The following TIMM44 variants were observed in gnomAD, a reference collection of about 807,000 sequenced individuals.
The protein encoded by TIMM44 is mitochondrial import inner membrane translocase subunit TIM44.
Under a neutral mutation model 63.8 loss-of-function variants are expected in TIMM44, and 37 were observed. The ratio of observed to expected loss-of-function variants is 0.58; its 90% CI spans 0.45 to 0.76. TIMM44 has a LOEUF of 0.76. Ranked by LOEUF, TIMM44 falls within the 30% of genes least tolerant of loss-of-function variation. The pLI is 0.00. For missense variants in TIMM44, 573 were observed against 603.8 expected, an observed-to-expected ratio of 0.95 and a Z score of 0.54; for synonymous variants, 239 against 245.1, an observed-to-expected ratio of 0.98 and a Z score of 0.23.
Position 7,938,061 on chromosome 19 carries a change from T to G in TIMM44, c.278A>C (p.Glu93Ala), listed in dbSNP as rs1984205590. ...KFRDEARRLE[E>A]SDVLQEARRK... is the part of the protein sequence containing the mutation. ...TCTGGCCTCCTGGAGCACGTCTGAT[T>G]CTTCTAGCCTTCTGGCCTCGTCACG... is the stretch of plus-strand genomic sequence containing the variant. The change falls in exon 3 of 13, where the codon GAA becomes GCA. Residue 93 changes from glutamate (E) to alanine (A), a missense_variant. Glu to Ala is a moderately radical substitution (Grantham distance 107). Coordinates refer to ENST00000270538, the MANE Select transcript of TIMM44 (RefSeq NM_006351.4). 1 of 1,613,988 alleles carries G rather than the reference T, an allele frequency of 6.2e-7. No homozygotes were observed. The highest frequency in any genetic ancestry group is 1.1e-5 in the South Asian group (1 of 91,090).
In TIMM44 at chr19:7,930,212, A is replaced by T. The variant is rs1983939962; in HGVS notation, c.1038+926T>A. On this transcript the variant is annotated intron_variant, in intron 10 of 12. Coordinates refer to ENST00000270538, the MANE Select transcript of TIMM44 (RefSeq NM_006351.4). ...CTGGAGTGCTGTGCTGCGATGACTC[A>T]CTGCAGCCTTGACCTCGTGAGCTCA... 2.7e-5 allele frequency among the ~76,000 whole-genome samples: 4 copies of T among 150,458 alleles called. No homozygotes were observed. The South Asian group carries it at 8.4e-4, about 32-fold the overall frequency.
At chr19:7,935,213 T>G (rs766746429) in intron 3 of TIMM44, 68 bp from the exon 4 acceptor site, 129 of 1,324,252 alleles carry the variant, frequency 9.7e-5, no homozygotes, top group Middle Eastern at 2.1e-4. Context: ...TTGCCGAGGC[T>G]GGAGTACAGT....
intron 2 of TIMM44, among the ~76,000 whole-genome samples, chr19:7,940,439 G>T (rs967552106): frequency 6.6e-6 from 1 of 152,014 alleles, no homozygotes; most frequent in African/African-American, 2.4e-5. Context: ...AGTGTGTGGC[G>T]GGGGACTAGA....
chr19:7,933,369 C>A lies in TIMM44; in HGVS notation c.769+116G>T, dbSNP rs1984042385. The A allele has an allele frequency of 1.1e-6, 1 of 944,794 alleles. No individual in the cohort carries two copies. The highest frequency in any genetic ancestry group is 1.8e-6 in the Non-Finnish European group (1 of 568,910). 58.5% of individuals were successfully genotyped at this position (944,794 alleles called of 1,614,324 possible). A position where few individuals can be genotyped will look rare whatever the true frequency, so the allele number is the denominator to read the frequency against. On this transcript the variant is annotated intron_variant, in intron 7 of 12. Coordinates refer to ENST00000270538, the MANE Select transcript of TIMM44 (RefSeq NM_006351.4). The surrounding 1 kb of genome is among the most constrained non-coding windows in gnomAD (Gnocchi z 4.3). ...AAAGAAGTGACCGGCCCACTCTGAC[C>A]CCGATCTCCTCCTCTGCAAAACGGG...
chr19:7,941,076 TG>T, intron 2 of TIMM44, 25 bp downstream of exon 2: 1 of 1,601,310 alleles, frequency 6.2e-7, no homozygotes. Context: ...CTGTGTCTGC[TG>T]GCCCGAGCAT....
At position 7,934,147 on chromosome 19, in the gene TIMM44, G is replaced by A. The variant is rs770315993; in HGVS notation, c.485C>T (p.Ser162Leu). The A allele has an allele frequency of 2.6e-5, 42 of 1,613,350 alleles. No individual in the cohort carries two copies. The highest frequency in any genetic ancestry group is 1.1e-4 in the African/African-American group (8 of 74,928). ...CAGCTTCTCCCCGCCTTTGGATACC[G>A]ACTCGGCCGACTGCTTGGCCGTCTT... ...AAKTAKQSAE[S>L]VSKGGEKLGR... Residue 162 changes from serine to leucine, a missense_variant, in exon 5 of 13, where the codon TCG (serine) becomes TTG (leucine). Coordinates refer to ENST00000270538, the MANE Select transcript of TIMM44 (RefSeq NM_006351.4). The surrounding 1 kb of genome is among the most constrained non-coding windows in gnomAD (Gnocchi z 5.3).
In TIMM44 at chr19:7,938,150, CAAGCCGGACAGA is replaced by C. The variant is rs1568298009; in HGVS notation, c.177_188del (p.Phe59_Gly62del). 6.2e-7 allele frequency: 1 copy of C among 1,613,764 alleles called. No individual in the cohort carries two copies. The highest frequency in any genetic ancestry group is 1.7e-5 in the Admixed American group (1 of 59,950). On this transcript the variant is annotated inframe_deletion, in exon 3 of 13. Transcript: ENST00000270538. ...CTAATTCTTGTTTGACATTATCTAG[CAAGCCGGACAGA>C]AAGCCTTTTCTGTTTCCAGAAGAAT...
chr19:7,930,234 C>T (rs1334422473), intron 10 of TIMM44, among the ~76,000 whole-genome samples: 1 of 151,542 alleles, frequency 6.6e-6, no homozygotes, highest in African/African-American at 2.4e-5. Flanking sequence ...ACCTCGTGAG[C>T]TCAAGTGATC....
intron 1 of TIMM44, among the ~76,000 whole-genome samples, chr19:7,941,905 G>A (rs1167234211): frequency 2.6e-5 from 4 of 152,194 alleles, no homozygotes; most frequent in South Asian, 2.1e-4. Flanking sequence ...AAAGATGAGA[G>A]AACTGGATTT....
chr19:7,938,134 G>C lies in TIMM44; in HGVS notation c.205C>G (p.Gln69Glu), dbSNP rs754846551. ...FLSGLLDNVK[Q>E]ELAKNKEMKE... ...ATTTCTTTGTTTTTGGCTAATTCTT[G>C]TTTGACATTATCTAGCAAGCCGGAC... is the stretch of plus-strand genomic sequence containing the variant. Residue 69 changes from glutamine to glutamate, a missense_variant, in exon 3 of 13, where the codon CAA (glutamine) becomes GAA (glutamate). Coordinates refer to ENST00000270538, the MANE Select transcript of TIMM44 (RefSeq NM_006351.4). 2 of 1,613,824 alleles carry C rather than the reference G, an allele frequency of 1.2e-6. No homozygotes were observed. The highest frequency in any genetic ancestry group is 3.3e-5 in the Admixed American group (2 of 59,938).
intron 1 of TIMM44, among the ~76,000 whole-genome samples, chr19:7,942,291 C>T (rs1257084231): frequency 6.6e-6 from 1 of 152,234 alleles, no homozygotes; most frequent in South Asian, 2.1e-4. Flanking sequence ...CGAGATCTTG[C>T]CTTAAGTTCT....
Position 7,934,266 on chromosome 19 carries a change from G to C in TIMM44, c.394-28C>G, listed in dbSNP as rs374036580. ...ACTGAGACAGACACAGAGAGGGGGCGTTGGCACCGGCCCTGGCGGCCGGGG... is the reference window on the plus strand; with the variant it reads ...ACTGAGACAGACACAGAGAGGGGGCCTTGGCACCGGCCCTGGCGGCCGGGG... On this transcript the variant is annotated intron_variant, in intron 4 of 12. Coordinates refer to ENST00000270538, the MANE Select transcript of TIMM44 (RefSeq NM_006351.4). This position sits in a 1 kb window ranked among gnomAD's most constrained non-coding sequence, Gnocchi z 5.3. 4.4e-6 allele frequency: 7 copies of C among 1,608,564 alleles called. No individual in the cohort carries two copies. The African/African-American group carries it at 9.3e-5, about 21-fold the overall frequency.
intron 1 of TIMM44, 47 bp from the exon 2 acceptor site, chr19:7,941,244 A>T: frequency 6.9e-7 from 1 of 1,448,882 alleles, no homozygotes; most frequent in Non-Finnish European, 9.7e-7. Flanking sequence ...CAAGAGGTTG[A>T]CTGAGAAGTA....
At position 7,934,093 on chromosome 19, in the gene TIMM44, G is replaced by A; in HGVS notation, c.539C>T (p.Ser180Phe). 1 of 1,613,298 alleles carries A rather than the reference G, an allele frequency of 6.2e-7. No homozygotes were observed. Among genetic ancestry groups the A allele is most frequent in the Non-Finnish European group, 8.5e-7 (1 of 1,179,986 alleles). The change falls in exon 5 of 13, where the codon TCC becomes TTC. Residue 180 changes from serine (S) to phenylalanine (F), a missense_variant. Transcript: ENST00000270538. This position sits in a 1 kb window ranked among gnomAD's most constrained non-coding sequence, Gnocchi z 5.3. ...CTAGCCCAGGACTGGGCTCACCTGG[G>A]AGAGGGCTCTGAAGGCCGCTGTCCT... ...LGRTAAFRAL[S>F]QGVESVKKEI...
At chr19:7,935,257 C>T (rs974482167) in intron 3 of TIMM44, 112 bp from the exon 4 acceptor site, 14 of 1,004,388 alleles carry the variant, frequency 1.4e-5, no homozygotes, top group African/African-American at 1.2e-4. Context: ...CTTCCTCCTG[C>T]CAGATTCAAG....
At chr19:7,932,790 G>C in intron 8 of TIMM44, 39 bp from the exon 9 acceptor site, 1 of 1,614,070 alleles carries the variant, frequency 6.2e-7, no homozygotes. Context: ...GGGAAGGCCG[G>C]GGACCCCGCC....
Position 7,927,664 on chromosome 19 carries a change from C to CCCT in TIMM44, c.1229_1231dup (p.Glu410dup). On this transcript the variant is annotated inframe_insertion, in exon 12 of 13. Coordinates refer to ENST00000270538, the MANE Select transcript of TIMM44 (RefSeq NM_006351.4). ...TCCCACTCCCTCACTCACCGGGTCA[C>CCCT]CCTCCACCACCTCGCCTTTGGGGTT... is the stretch of plus-strand genomic sequence containing the variant. 6.2e-7 allele frequency: 1 copy of CCCT among 1,613,402 alleles called. No homozygotes were observed. The highest frequency in any genetic ancestry group is 8.5e-7 in the Non-Finnish European group (1 of 1,180,008).
chr19:7,932,965 G>T (rs1568295840), intron 7 of TIMM44, 33 bp from the exon 8 acceptor site: 2 of 1,582,150 alleles, frequency 1.3e-6, no homozygotes, highest in Non-Finnish European at 8.7e-7. Flanking sequence ...TGGAGAAGGG[G>T]CCCCTTCCAG....
intron 11 of TIMM44, 37 bp downstream of exon 11, chr19:7,928,040 C>T (rs1262003492): frequency 1.5e-5 from 24 of 1,585,418 alleles, no homozygotes; most frequent in Non-Finnish European, 1.9e-5. Flanking sequence ...GTTCCCACCC[C>T]CGATGGTGGC....
Sources: allele counts gnomAD v4.1 joint callset (sites outside exome capture counted in the v4.1 genomes callset), GRCh38; gene constraint gnomAD v4.1.1; non-coding constraint Gnocchi (gnomAD v3.1); transcripts MANE v1.5; gene names NCBI Gene and HGNC (gene_info 2026-07-23, HGNC 2026-07-21).